PRELID2: variants seen among roughly 807,000 people sequenced by gnomAD.
PRELID2 encodes PRELI domain-containing protein 2.
A neutral mutation model predicts 28.4 loss-of-function variants in PRELID2; 25 were observed. That is an observed-to-expected ratio of 0.88 (90% CI 0.64 to 1.23). The LOEUF (loss-of-function observed/expected upper bound fraction) is 1.23. PRELID2 is among the 50% of genes most tolerant of loss of function. The pLI, the probability that PRELID2 is intolerant of heterozygous loss-of-function variation, is 0.00. For synonymous variants in PRELID2, 76 were observed against 71.6 expected (o/e 1.06, Z -0.31); for missense variants, 201 against 214.4 (o/e 0.94, Z 0.39).
intron 1 of PRELID2, among the ~76,000 whole-genome samples, chr5:145,547,189 G>T (rs908366793): frequency 6.6e-6 from 1 of 152,152 alleles, no homozygotes; most frequent in Admixed American, 6.5e-5. Flanking sequence ...CTTGATTGGA[G>T]TCAAACTGGA....
At chr5:145,425,395 C>T in the PRELID2 span, among the ~76,000 whole-genome samples, 1 of 152,120 alleles carries the variant, frequency 6.6e-6, no homozygotes, top group South Asian at 2.1e-4. Flanking sequence ...CCCAACAATC[C>T]CATGACTGAG....
intron 1 of PRELID2, among the ~76,000 whole-genome samples, chr5:145,510,640 T>C (rs1580963104): frequency 6.6e-6 from 1 of 152,356 alleles, no homozygotes; most frequent in South Asian, 2.1e-4. Context: ...GAGGTGATGC[T>C]AGCTATCTCC....
At chr5:145,492,976 T>C (rs1189404091) in intron 1 of PRELID2, among the ~76,000 whole-genome samples, 1 of 140,638 alleles carries the variant, frequency 7.1e-6, no homozygotes, top group Non-Finnish European at 1.6e-5. Flanking sequence ...TGTTCTGTAT[T>C]CACTTCCCTC....
chr5:145,722,420 C>G (rs1013202943), intron 1 of PRELID2, among the ~76,000 whole-genome samples: 1 of 152,208 alleles, frequency 6.6e-6, no homozygotes, highest in Admixed American at 6.5e-5. Flanking sequence ...CTGTCTCAGT[C>G]TCCAGACTAG....
At chr5:145,701,905 G>T (rs1335790549) in intron 1 of PRELID2, among the ~76,000 whole-genome samples, 1 of 152,016 alleles carries the variant, frequency 6.6e-6, no homozygotes, top group Non-Finnish European at 1.5e-5. Flanking sequence ...TACAAAATTA[G>T]CCGGGCGTGG....
intron 1 of PRELID2, among the ~76,000 whole-genome samples, chr5:145,646,613 C>G (rs142844994): frequency 4.0e-4 from 61 of 152,274 alleles, no homozygotes; most frequent in African/African-American, 1.4e-3. Context: ...GGAAAAAAGC[C>G]GTTCTGGTTT....
chr5:145,455,564 T>A, the PRELID2 span, among the ~76,000 whole-genome samples: 3 of 152,220 alleles, frequency 2.0e-5, no homozygotes, highest in Admixed American at 2.0e-4. Flanking sequence ...TATTGATTCT[T>A]CCTATCCATG....
chr5:145,593,984 T>C (rs1753267242), intron 1 of PRELID2, among the ~76,000 whole-genome samples: 1 of 152,198 alleles, frequency 6.6e-6, no homozygotes, highest in Admixed American at 6.5e-5. Flanking sequence ...GATAGTATTT[T>C]TAAAGAATAT....
At chr5:145,480,815 C>T (rs1368910055) in intron 1 of PRELID2, among the ~76,000 whole-genome samples, 1 of 152,106 alleles carries the variant, frequency 6.6e-6, no homozygotes, top group Non-Finnish European at 1.5e-5. Context: ...TTATTAATTG[C>T]CTCTTTCTAA....
chr5:145,667,027 A>C (rs554991799), intron 1 of PRELID2, among the ~76,000 whole-genome samples: 1 of 152,208 alleles, frequency 6.6e-6, no homozygotes, highest in Non-Finnish European at 1.5e-5. Flanking sequence ...CAAAAGACAA[A>C]ACAGGGAATG....
the PRELID2 span, among the ~76,000 whole-genome samples, chr5:145,254,001 T>TCACA: frequency 1.3e-5 from 2 of 151,592 alleles, no homozygotes; most frequent in African/African-American, 4.8e-5. Flanking sequence ...TTGTAAGGAT[T>TCACA]CACACACACA....
At chr5:145,658,099 C>A (rs1489329939) in intron 1 of PRELID2, among the ~76,000 whole-genome samples, 1 of 152,104 alleles carries the variant, frequency 6.6e-6, no homozygotes, top group Non-Finnish European at 1.5e-5. Flanking sequence ...ACTGAGGCTA[C>A]AATAGTGAAC....
At chr5:145,705,188 A>G (rs1755512142) in intron 1 of PRELID2, among the ~76,000 whole-genome samples, 1 of 152,032 alleles carries the variant, frequency 6.6e-6, no homozygotes, top group Admixed American at 6.6e-5. Context: ...CTGAACCCAA[A>G]AAGTACCTTT....
At chr5:145,403,168 T>G in the PRELID2 span, among the ~76,000 whole-genome samples, 2 of 152,152 alleles carry the variant, frequency 1.3e-5, no homozygotes. Flanking sequence ...AACCAAACTC[T>G]TCTAAGGTGG....
the PRELID2 span, among the ~76,000 whole-genome samples, chr5:145,394,519 A>G: frequency 5.9e-5 from 9 of 152,114 alleles, no homozygotes; most frequent in African/African-American, 2.2e-4. Context: ...CCAACATGGC[A>G]CATGTATACA....
chr5:145,256,832 C>T, the PRELID2 span, among the ~76,000 whole-genome samples: 21 of 151,744 alleles, frequency 1.4e-4, no homozygotes, highest in South Asian at 2.1e-4. Context: ...ACAATGTAAA[C>T]GTATATTTAG....
intron 1 of PRELID2, among the ~76,000 whole-genome samples, chr5:145,606,743 C>T (rs989806662): frequency 6.6e-6 from 1 of 151,962 alleles, no homozygotes; most frequent in African/African-American, 2.4e-5. Flanking sequence ...TATTGTGTAT[C>T]GGCCAGGTTT....
chr5:145,629,270 T>C (rs553556883), intron 1 of PRELID2, among the ~76,000 whole-genome samples: 2 of 152,308 alleles, frequency 1.3e-5, no homozygotes, highest in South Asian at 4.1e-4. Context: ...TCACACTCTA[T>C]GAGGAGAGAG....
chr5:145,439,985 C>T, the PRELID2 span, among the ~76,000 whole-genome samples: 1 of 152,094 alleles, frequency 6.6e-6, no homozygotes, highest in Non-Finnish European at 1.5e-5. Flanking sequence ...ACCTTGATAG[C>T]CTTACCAGCT....
Sources: gnomAD v4.1 joint callset for allele counts (sites outside exome capture counted in the v4.1 genomes callset) on GRCh38, gnomAD v4.1.1 for gene constraint, MANE v1.5 for transcripts, NCBI Gene and HGNC (gene_info 2026-07-23, HGNC 2026-07-21) for gene names.